TBCK: variants seen among roughly 807,000 people sequenced by gnomAD.
TBCK encodes TBC1 domain containing kinase.
A neutral mutation model predicts 113.4 loss-of-function variants in TBCK; 99 were observed. The observed-to-expected ratio is 0.87, with a 90% CI of 0.74 to 1.03. The LOEUF (loss-of-function observed/expected upper bound fraction) is 1.03, where lower values mean the gene tolerates loss of function less well. Ranked by LOEUF, TBCK falls within the 50% of genes least tolerant of loss-of-function variation. The pLI is 0.00. For missense variants in TBCK, 1,045 were observed against 1,061.3 expected (o/e 0.98, Z 0.21); for synonymous variants, 369 against 370.8 (o/e 1.00, Z 0.05).
chr4:106,069,222 G>A (rs902259815), intron 25 of TBCK, among the ~76,000 whole-genome samples: 3 of 152,200 alleles, frequency 2.0e-5, no homozygotes, highest in Admixed American at 2.0e-4. Context: ...CCTTGCCCAT[G>A]CCTATGTCCT....
intron 3 of TBCK, among the ~76,000 whole-genome samples, chr4:106,284,256 T>C (rs1409254308): frequency 1.3e-5 from 2 of 152,102 alleles, no homozygotes; most frequent in Non-Finnish European, 2.9e-5. Context: ...GTTTATATTA[T>C]AAAATAAGAA....
chr4:106,150,176 G>A (rs988724240), intron 23 of TBCK, among the ~76,000 whole-genome samples: 2 of 152,152 alleles, frequency 1.3e-5, no homozygotes, highest in African/African-American at 4.8e-5. Flanking sequence ...AGTGAAAAGG[G>A]CTGTTGCTTT....
At chr4:106,166,907 C>T (rs1750430616) in intron 23 of TBCK, among the ~76,000 whole-genome samples, 1 of 150,926 alleles carries the variant, frequency 6.6e-6, no homozygotes, top group South Asian at 2.1e-4. Flanking sequence ...CAATAATTGT[C>T]TCAATAAAGA....
intron 23 of TBCK, among the ~76,000 whole-genome samples, chr4:106,123,837 T>C (rs1229608684): frequency 1.4e-5 from 2 of 147,940 alleles, no homozygotes; most frequent in South Asian, 2.2e-4. Context: ...TTACACCTTA[T>C]ACAAAAATCA....
At chr4:106,197,396 T>A (rs1415523483) in intron 20 of TBCK, among the ~76,000 whole-genome samples, 3 of 99,818 alleles carry the variant, frequency 3.0e-5, no homozygotes, top group Non-Finnish European at 7.0e-5. Context: ...AGTGTGTGTG[T>A]GTGTGTGTGT....
chr4:106,092,631 G>A (rs1355063414), intron 25 of TBCK, among the ~76,000 whole-genome samples: 4 of 152,248 alleles, frequency 2.6e-5, no homozygotes, highest in Non-Finnish European at 5.9e-5. Flanking sequence ...ACCCTCCGCA[G>A]CTGCTGGCCT....
intron 23 of TBCK, among the ~76,000 whole-genome samples, chr4:106,124,880 T>C (rs142808557): frequency 0.077 from 11,647 of 151,680 alleles, 507 homozygotes; most frequent in Middle Eastern, 0.18. Flanking sequence ...AGGGATAGCA[T>C]TGGGAGATAT....
At chr4:106,248,153 T>A in intron 9 of TBCK, 92 bp downstream of exon 9, 2 of 750,760 alleles carry the variant, frequency 2.7e-6, no homozygotes, top group Middle Eastern at 2.6e-4. Context: ...ATATGTACAT[T>A]ATCTTTAATC....
intron 25 of TBCK, among the ~76,000 whole-genome samples, chr4:106,049,572 A>G (rs1344276164): frequency 6.6e-6 from 1 of 152,054 alleles, no homozygotes; most frequent in Non-Finnish European, 1.5e-5. Flanking sequence ...GTCACATCAT[A>G]CATGGAGAAG....
chr4:106,131,081 G>A (rs551274799), intron 23 of TBCK, among the ~76,000 whole-genome samples: 4 of 152,206 alleles, frequency 2.6e-5, no homozygotes, highest in African/African-American at 9.6e-5. Flanking sequence ...CATGGGGGTG[G>A]TTTCTCCCAT....
intron 10 of TBCK, among the ~76,000 whole-genome samples, chr4:106,245,045 G>A (rs1760644554): frequency 6.6e-6 from 1 of 152,120 alleles, no homozygotes; most frequent in Non-Finnish European, 1.5e-5. Flanking sequence ...AGAATAAAGG[G>A]AGCTATGGCA....
intron 23 of TBCK, among the ~76,000 whole-genome samples, chr4:106,153,814 C>A (rs559872826): frequency 6.6e-6 from 1 of 151,920 alleles, no homozygotes; most frequent in Non-Finnish European, 1.5e-5. Context: ...TGACTTTCTT[C>A]GTCTCTTCTT....
chr4:106,252,546 T>A (rs1345222970), intron 5 of TBCK, among the ~76,000 whole-genome samples: 1 of 152,062 alleles, frequency 6.6e-6, no homozygotes, highest in Non-Finnish European at 1.5e-5. Flanking sequence ...GCTATATACC[T>A]TTTTTCCACT....
At chr4:106,111,498 T>C (rs1057331146) in intron 24 of TBCK, among the ~76,000 whole-genome samples, 1 of 152,232 alleles carries the variant, frequency 6.6e-6, no homozygotes. Context: ...AGCTCACTGA[T>C]TTCATTGGAA....
At chr4:106,190,875 A>G (rs1753587722) in intron 22 of TBCK, among the ~76,000 whole-genome samples, 2 of 152,032 alleles carry the variant, frequency 1.3e-5, no homozygotes, top group South Asian at 4.1e-4. Context: ...CAACTAGCTG[A>G]GACTACAGGC....
chr4:106,179,681 T>C (rs1347803407), intron 22 of TBCK, among the ~76,000 whole-genome samples: 3 of 152,096 alleles, frequency 2.0e-5, no homozygotes, highest in African/African-American at 7.2e-5. Context: ...TTGGAGAATG[T>C]TCCATGTGCT....
chr4:106,115,141 G>A (rs946627927), intron 24 of TBCK, among the ~76,000 whole-genome samples: 45 of 152,058 alleles, frequency 3.0e-4, no homozygotes, highest in African/African-American at 9.4e-4. Flanking sequence ...TTCAAAAATT[G>A]GAATTGAAAA....
intron 25 of TBCK, among the ~76,000 whole-genome samples, chr4:106,093,519 A>C (rs1271897210): frequency 6.6e-6 from 1 of 152,176 alleles, no homozygotes; most frequent in African/African-American, 2.4e-5. Flanking sequence ...CAAACAAACA[A>C]ACAAAAAGTT....
At chr4:106,182,480 G>A (rs544062075) in intron 22 of TBCK, 19 of 152,092 alleles carry the variant, frequency 1.2e-4, no homozygotes, top group African/African-American at 2.4e-4. Context: ...GTTTTTGCCC[G>A]TTCAGTATGA....
Sources: allele counts gnomAD v4.1 joint callset (sites outside exome capture counted in the v4.1 genomes callset), GRCh38; gene constraint gnomAD v4.1.1; transcripts MANE v1.5; gene names NCBI Gene and HGNC (gene_info 2026-07-23, HGNC 2026-07-21).